Variants in PRTFDC1 observed in about 807,000 individuals in gnomAD.
PRTFDC1 encodes phosphoribosyltransferase domain-containing protein 1.
PRTFDC1 carries 38 observed loss-of-function variants against 34.6 expected under a neutral mutation model. The observed-to-expected ratio is 1.10, with a 90% CI of 0.85 to 1.44. PRTFDC1 has a LOEUF of 1.44. Ranked by LOEUF, PRTFDC1 falls within the 40% of genes most tolerant of loss-of-function variation. The pLI is 0.00. For missense variants in PRTFDC1, 270 were observed against 283.0 expected (o/e 0.95, Z 0.33); for synonymous variants, 93 against 98.1 (o/e 0.95, Z 0.31).
chr10:24,937,155 G>T (rs763417203), intron 3 of PRTFDC1, 29 bp downstream of exon 3: 12 of 1,549,548 alleles, frequency 7.7e-6, no homozygotes, highest in Non-Finnish European at 9.7e-6. Flanking sequence ...TAAATGAAAT[G>T]TCATAAAGCG....
chr10:24,948,748 G>A (rs762874646), intron 1 of PRTFDC1, among the ~76,000 whole-genome samples: 13 of 152,126 alleles, frequency 8.5e-5, no homozygotes, highest in South Asian at 4.1e-4. Flanking sequence ...CTACCTCAAC[G>A]ATCTTTCCAA....
intron 3 of PRTFDC1, among the ~76,000 whole-genome samples, chr10:24,906,410 T>C (rs936469668): frequency 6.6e-6 from 1 of 152,130 alleles, no homozygotes; most frequent in Admixed American, 6.5e-5. Context: ...ATATATGGAA[T>C]ATGAAGAAAT....
chr10:24,937,555 CT>C (rs35562409), intron 2 of PRTFDC1, among the ~76,000 whole-genome samples, 188 bp from the exon 3 acceptor site: 83,673 of 138,908 alleles, frequency 0.6, 24,563 homozygotes, highest in African/African-American at 0.73. Context: ...AAACATACTG[CT>C]TTTTTTTTTT....
chr10:24,872,013 T>TA lies in PRTFDC1; in HGVS notation c.389_390insT (p.Thr131AsnfsTer11). ...ATGAACAAACCTTTCCAGCCAGCGT[T>TA]GAAAGATCATCGCCTCCGATTATCT... On this transcript the variant is annotated frameshift_variant, in exon 4 of 9. Transcript: ENST00000320152. LOFTEE classifies it high-confidence loss of function. The TA allele has an allele frequency of 6.2e-7, 1 of 1,611,940 alleles. No individual in the cohort carries two copies. The highest frequency in any genetic ancestry group is 1.1e-5 in the South Asian group (1 of 91,022).
intron 3 of PRTFDC1, among the ~76,000 whole-genome samples, chr10:24,936,805 C>T (rs1849057918): frequency 6.6e-6 from 1 of 152,118 alleles, no homozygotes; most frequent in South Asian, 2.1e-4. Context: ...GGCTGGACAC[C>T]CTCCCATAGG....
intron 3 of PRTFDC1, among the ~76,000 whole-genome samples, chr10:24,935,925 G>A (rs1397109701): frequency 2.0e-5 from 3 of 152,154 alleles, no homozygotes; most frequent in Admixed American, 2.0e-4. Flanking sequence ...AACCTCAGAT[G>A]ATATCAAAAT....
At chr10:24,859,335 C>T (rs1847636345) in intron 4 of PRTFDC1, among the ~76,000 whole-genome samples, 1 of 152,232 alleles carries the variant, frequency 6.6e-6, no homozygotes, top group Non-Finnish European at 1.5e-5. Context: ...TCTCCGTTCA[C>T]TGTAACCTCC....
chr10:24,883,898 C>T (rs1486544259), intron 3 of PRTFDC1, among the ~76,000 whole-genome samples: 1 of 146,280 alleles, frequency 6.8e-6, no homozygotes, highest in African/African-American at 2.5e-5. Context: ...GATCTTGGCT[C>T]ACTGCAACCT....
chr10:24,875,701 T>A (rs1190792645), intron 3 of PRTFDC1, among the ~76,000 whole-genome samples: 1 of 152,180 alleles, frequency 6.6e-6, no homozygotes, highest in African/African-American at 2.4e-5. Context: ...TTTGATCTTG[T>A]CTTTCATTCT....
intron 7 of PRTFDC1, among the ~76,000 whole-genome samples, chr10:24,854,820 C>T (rs776001135): frequency 1.8e-4 from 27 of 152,098 alleles, no homozygotes; most frequent in Non-Finnish European, 3.4e-4. Context: ...CCCTTCTGTG[C>T]GTTACAATTC....
At chr10:24,882,132 G>A (rs566992665) in intron 3 of PRTFDC1, among the ~76,000 whole-genome samples, 10 of 150,074 alleles carry the variant, frequency 6.7e-5, no homozygotes, top group African/African-American at 2.0e-4. Flanking sequence ...GCTTGAATCC[G>A]GGAGGCAGAG....
chr10:24,920,632 C>T (rs192899157), intron 3 of PRTFDC1, among the ~76,000 whole-genome samples: 1 of 152,248 alleles, frequency 6.6e-6, no homozygotes, highest in Non-Finnish European at 1.5e-5. Flanking sequence ...CACCATGGCA[C>T]ACATTTACCT....
chr10:24,936,372 G>A (rs1356965000), intron 3 of PRTFDC1, among the ~76,000 whole-genome samples: 1 of 151,024 alleles, frequency 6.6e-6, no homozygotes, highest in African/African-American at 2.4e-5. Context: ...TCTGTCTCCT[G>A]GGCTCAAACA....
chr10:24,864,470 C>T (rs1847739744), intron 4 of PRTFDC1, among the ~76,000 whole-genome samples: 1 of 152,078 alleles, frequency 6.6e-6, no homozygotes, highest in South Asian at 2.1e-4. Context: ...TCTGAAGCAC[C>T]CACCAGCCTG....
At chr10:24,887,111 C>T (rs1588592781) in intron 3 of PRTFDC1, among the ~76,000 whole-genome samples, 2 of 151,288 alleles carry the variant, frequency 1.3e-5, no homozygotes, top group Middle Eastern at 6.8e-3. Flanking sequence ...GCTGGGACTA[C>T]AGGCGCCCGC....
At chr10:24,859,329 C>T (rs570736402) in intron 4 of PRTFDC1, among the ~76,000 whole-genome samples, 30 of 152,244 alleles carry the variant, frequency 2.0e-4, no homozygotes, top group South Asian at 1.9e-3. Context: ...GTGCTATCTC[C>T]GTTCACTGTA....
chr10:24,937,718 C>A (rs184921064), intron 2 of PRTFDC1, among the ~76,000 whole-genome samples: 4 of 152,014 alleles, frequency 2.6e-5, no homozygotes, highest in African/African-American at 9.6e-5. Flanking sequence ...CCACTATGCT[C>A]AGCTAATTTT....
At chr10:24,902,037 T>C (rs1848457807) in intron 3 of PRTFDC1, among the ~76,000 whole-genome samples, 1 of 152,138 alleles carries the variant, frequency 6.6e-6, no homozygotes, top group South Asian at 2.1e-4. Context: ...TGAAGGGGTG[T>C]GTCCTGGTGA....
intron 7 of PRTFDC1, among the ~76,000 whole-genome samples, chr10:24,853,478 G>A (rs1847525242): frequency 6.6e-6 from 1 of 151,928 alleles, no homozygotes; most frequent in African/African-American, 2.4e-5. Context: ...CAGGTGTGGT[G>A]GTACCTGTAG....
Sources: allele counts gnomAD v4.1 joint callset (sites outside exome capture counted in the v4.1 genomes callset), GRCh38; gene constraint gnomAD v4.1.1; transcripts MANE v1.5; gene names NCBI Gene and HGNC (gene_info 2026-07-23, HGNC 2026-07-21).